PAPSS2: variants seen among roughly 807,000 people sequenced by gnomAD.
PAPSS2 encodes bifunctional 3'-phosphoadenosine 5'-phosphosulfate synthase 2.
Under a neutral mutation model 66.5 loss-of-function variants are expected in PAPSS2, and 61 were observed. The ratio of observed to expected loss-of-function variants is 0.92; its 90% CI spans 0.75 to 1.14. The LOEUF (loss-of-function observed/expected upper bound fraction) is 1.14. Ranked by LOEUF, PAPSS2 falls within the 50% of genes most tolerant of loss-of-function variation. The pLI, the probability that PAPSS2 is intolerant of heterozygous loss-of-function variation, is 0.00. For missense variants in PAPSS2, 708 were observed against 789.6 expected (o/e 0.90, Z 1.24); for synonymous variants, 289 against 287.5 (o/e 1.01, Z -0.05).
At chr10:87,733,387 C>A (rs1368019417) in intron 9 of PAPSS2, among the ~76,000 whole-genome samples, 1 of 152,148 alleles carries the variant, frequency 6.6e-6, no homozygotes. Flanking sequence ...TGTTGCCTTT[C>A]GTCCATGGCT....
intron 1 of PAPSS2, among the ~76,000 whole-genome samples, chr10:87,685,731 C>T (rs1564712051): frequency 6.6e-6 from 1 of 152,156 alleles, no homozygotes; most frequent in East Asian, 1.9e-4. Context: ...CTGTTGTTTC[C>T]ACAGAAACAT....
At chr10:87,691,292 A>G (rs976300256) in intron 1 of PAPSS2, among the ~76,000 whole-genome samples, 3 of 152,212 alleles carry the variant, frequency 2.0e-5, no homozygotes, top group South Asian at 2.1e-4. Flanking sequence ...AGAAACATTC[A>G]TTCAGTAAAT....
rs576696266 is a variant in PAPSS2, at chr10:87,723,056, G to A, written c.880+1286G>A. 2.6e-5 allele frequency among the ~76,000 whole-genome samples: 4 copies of A among 152,332 alleles called. No individual in the cohort carries two copies. In the East Asian group the frequency reaches 7.7e-4, roughly 29 times the overall value. Reference sequence around the variant, plus strand: ...GAAACATCCCTTGGATTTCAAGTCAGAATACTTGATGGAAGGCAACGTTAC... The same window carrying A: ...GAAACATCCCTTGGATTTCAAGTCAAAATACTTGATGGAAGGCAACGTTAC... On this transcript the variant is annotated intron_variant, in intron 8 of 12. Transcript: ENST00000456849.
intron 11 of PAPSS2, 151 bp from the exon 12 acceptor site, chr10:87,744,851 C>T (rs7918210): frequency 2.2e-5 from 15 of 696,552 alleles, no homozygotes; most frequent in Middle Eastern, 3.8e-4. Context: ...GAAGAGTGCA[C>T]GGAGTCTTAG....
At position 87,659,908 on chromosome 10, in the gene PAPSS2, C is replaced by T. The variant is rs10677560; in HGVS notation, c.-74C>T. On this transcript the variant is annotated 5_prime_UTR_variant, in exon 1 of 13. Transcript: ENST00000456849. ...CTGCTGCTGCTGCTGCTGCTGCTGC[C>T]GCCGCCGCCGCCGCCGTCCCTGCGT... The T allele has an allele frequency of 1.8e-4, 152 of 857,642 alleles. No homozygotes were observed. The highest frequency in any genetic ancestry group is 2.3e-4 in the Non-Finnish European group (125 of 554,614). The allele number at this position is 857,642 out of a possible 1,614,324, so 53.1% of individuals were successfully genotyped here.
intron 1 of PAPSS2, among the ~76,000 whole-genome samples, chr10:87,679,862 C>A (rs537298803): frequency 3.3e-5 from 5 of 151,928 alleles, no homozygotes; most frequent in African/African-American, 1.2e-4. Context: ...CCCATCTCTA[C>A]AAAAAATACA....
intron 1 of PAPSS2, among the ~76,000 whole-genome samples, chr10:87,689,192 T>C (rs1041966938): frequency 6.7e-5 from 10 of 148,362 alleles, no homozygotes; most frequent in Non-Finnish European, 3.0e-5. Context: ...AATACAAAAT[T>C]AGCCGGGCAT....
chr10:87,713,143 C>G lies in PAPSS2; in HGVS notation c.214C>G (p.Pro72Ala), dbSNP rs1271426692. The G allele has an allele frequency of 1.9e-6, 3 of 1,613,186 alleles. No individual in the cohort carries two copies. In the Admixed American group the frequency reaches 5.0e-5, roughly 27 times the overall value. Residue 72 changes from proline (P) to alanine (A), a missense_variant, in exon 3 of 13, where the codon CCT becomes GCT. By Grantham distance (27) the Pro-to-Ala change is conservative. Transcript: ENST00000456849. ...LEEYLVSHAI[P>A]CYSLDGDNVR... Reference sequence around the variant, plus strand: ...GGAGTACCTTGTCTCCCATGCCATCCCTTGTTACTCCCTGGATGGGGACAA... The same window carrying G: ...GGAGTACCTTGTCTCCCATGCCATCGCTTGTTACTCCCTGGATGGGGACAA...
chr10:87,689,426 T>A lies in PAPSS2; in HGVS notation c.28-19770T>A, dbSNP rs562296305. 7.6e-4 allele frequency among the ~76,000 whole-genome samples: 115 copies of A among 151,146 alleles called. 1 individual carries two copies. The highest frequency in any genetic ancestry group is 1.0e-3 in the Non-Finnish European group (70 of 67,864). On this transcript the variant is annotated intron_variant, in intron 1 of 12. Coordinates refer to ENST00000456849, the MANE Select transcript of PAPSS2 (RefSeq NM_001015880.2). ...TGGCCCAGGCCTGTAATCCCAGCAC[T>A]TTGGGAGGCCGAGGCAGGTGGATCA... is the stretch of plus-strand genomic sequence containing the variant.
chr10:87,737,569 C>A lies in PAPSS2; in HGVS notation c.1087-3666C>A, dbSNP rs1396973414. Among the ~76,000 whole-genome samples the A allele has an allele frequency of 2.6e-5, 4 of 152,112 alleles. No homozygotes were observed. In the South Asian group the frequency reaches 6.2e-4, roughly 24 times the overall value. The stretch of plus-strand genomic sequence containing the variant: ...AGGCATGGTGGCTCACGCTTGTAAT[C>A]CCAACACTTTGGAAGGCCGAAGTTG... On this transcript the variant is annotated intron_variant, in intron 9 of 12. Transcript: ENST00000456849.
chr10:87,659,993 C>A lies in PAPSS2; in HGVS notation c.12C>A (p.Ile4=). The A allele has an allele frequency of 6.2e-7, 1 of 1,613,284 alleles. No individual in the cohort carries two copies. Among genetic ancestry groups the A allele is most frequent in the Non-Finnish European group, 8.5e-7 (1 of 1,179,718 alleles). The change falls in exon 1 of 13, where the codon ATC becomes ATA. Residue 4 remains isoleucine, a synonymous_variant. Coordinates refer to ENST00000456849, the MANE Select transcript of PAPSS2 (RefSeq NM_001015880.2). MSG[I]KKQKTENQQK... Reference sequence around the variant, plus strand: ...CGCAGCCAGCCAGCATGTCGGGGATCAAGAAGCAAAAGACGGTAGGCTTCC... The same window carrying A: ...CGCAGCCAGCCAGCATGTCGGGGATAAAGAAGCAAAAGACGGTAGGCTTCC...
At chr10:87,702,061 C>T (rs1853326116) in intron 1 of PAPSS2, among the ~76,000 whole-genome samples, 2 of 152,104 alleles carry the variant, frequency 1.3e-5, no homozygotes, top group Admixed American at 6.5e-5. Flanking sequence ...AAGAACTAAT[C>T]GGAAAGGAAT....
chr10:87,734,693 A>ATATG (rs1487283691), intron 9 of PAPSS2, among the ~76,000 whole-genome samples: 1 of 129,594 alleles, frequency 7.7e-6, no homozygotes, highest in Non-Finnish European at 1.7e-5. Flanking sequence ...ATATATATAT[A>ATATG]TATATATATA....
chr10:87,726,420 C>T (rs2131720092), intron 8 of PAPSS2, among the ~76,000 whole-genome samples: 1 of 152,274 alleles, frequency 6.6e-6, no homozygotes, highest in East Asian at 1.9e-4. Context: ...CAGAGCAAGA[C>T]TCTGTCTAAA....
intron 1 of PAPSS2, among the ~76,000 whole-genome samples, chr10:87,691,291 C>T (rs1428222690): frequency 1.3e-5 from 2 of 152,112 alleles, no homozygotes; most frequent in Non-Finnish European, 1.5e-5. Context: ...AAGAAACATT[C>T]ATTCAGTAAA....
At chr10:87,664,185 G>A (rs2131892010) in intron 1 of PAPSS2, among the ~76,000 whole-genome samples, 1 of 152,298 alleles carries the variant, frequency 6.6e-6, no homozygotes, top group Non-Finnish European at 1.5e-5. Flanking sequence ...GCCTCCCGAA[G>A]TATTAGGATT....
intron 7 of PAPSS2, among the ~76,000 whole-genome samples, chr10:87,720,582 A>C (rs1853581409): frequency 6.6e-6 from 1 of 152,214 alleles, no homozygotes; most frequent in Admixed American, 6.5e-5. Flanking sequence ...GTCTTCCTTC[A>C]AACCATTGCA....
In PAPSS2 at chr10:87,743,618, A is replaced by G. The variant is rs764933876; in HGVS notation, c.1468A>G (p.Met490Val). Residue 490 changes from methionine (M) to valine (V), a missense_variant, in exon 11 of 13, where the codon ATG (methionine) becomes GTG (valine). Transcript: ENST00000456849. ...CATTGTTGCCATCTTTCCGTCTCCCATGTTATATGCTGGCCCCACAGAGGT... is the reference window on the plus strand; with the variant it reads ...CATTGTTGCCATCTTTCCGTCTCCCGTGTTATATGCTGGCCCCACAGAGGT... The part of the protein sequence containing the change: ...STIVAIFPSP[M>V]LYAGPTEVQW... The G allele has an allele frequency of 8.1e-6, 13 of 1,613,972 alleles. No homozygotes were observed. Among genetic ancestry groups the G allele is most frequent in the African/African-American group, 5.3e-5 (4 of 74,896 alleles).
At position 87,671,866 on chromosome 10, in the gene PAPSS2, A is replaced by T. The variant is rs747544022; in HGVS notation, c.27+11858A>T. Reference sequence around the variant, plus strand: ...GAGGGGCAGCTGAGACCTGGGTTGAACACTGTAATTGTGTGGCTTTGAGCA... The same window carrying T: ...GAGGGGCAGCTGAGACCTGGGTTGATCACTGTAATTGTGTGGCTTTGAGCA... On this transcript the variant is annotated intron_variant, in intron 1 of 12. Coordinates refer to ENST00000456849, the MANE Select transcript of PAPSS2 (RefSeq NM_001015880.2). 2.7e-4 allele frequency among the ~76,000 whole-genome samples: 41 copies of T among 150,960 alleles called. No homozygotes were observed. The Middle Eastern group carries it at 0.017, about 63-fold the overall frequency.
Sources: allele counts gnomAD v4.1 joint callset (sites outside exome capture counted in the v4.1 genomes callset), GRCh38; gene constraint gnomAD v4.1.1; transcripts MANE v1.5; gene names NCBI Gene and HGNC (gene_info 2026-07-23, HGNC 2026-07-21).